The following NALF1 variants were observed in gnomAD, a reference collection of about 807,000 sequenced individuals.
NALF1 encodes the protein NALCN channel auxiliary factor 1.
NALF1 carries 3 observed loss-of-function variants against 48.4 expected under a neutral mutation model. The ratio of observed to expected loss-of-function variants is 0.06; its 90% CI spans 0.03 to 0.16. NALF1 has a LOEUF of 0.16. NALF1 is among the 10% of genes least tolerant of loss of function. The pLI is 1.00. For synonymous variants in NALF1, 262 were observed against 245.7 expected (o/e 1.07, Z -0.62); for missense variants, 526 against 571.5 (o/e 0.92, Z 0.81).
chr13:107,200,693 CAA>C (rs1879494283), intron 2 of NALF1, among the ~76,000 whole-genome samples: 1 of 152,170 alleles, frequency 6.6e-6, no homozygotes, highest in Non-Finnish European at 1.5e-5. Flanking sequence ...TAAACAATAA[CAA>C]GTCTGTAACC....
At chr13:107,340,099 T>C (rs1334750204) in intron 1 of NALF1, among the ~76,000 whole-genome samples, 2 of 152,102 alleles carry the variant, frequency 1.3e-5, no homozygotes, top group African/African-American at 4.8e-5. Context: ...GATTTATCTG[T>C]GTCTCATGCT....
intron 1 of NALF1, among the ~76,000 whole-genome samples, chr13:107,276,067 TG>T (rs1169409071): frequency 6.6e-6 from 1 of 152,132 alleles, no homozygotes; most frequent in African/African-American, 2.4e-5. Flanking sequence ...AAAGACCAAC[TG>T]GGAGCCACTA....
intron 1 of NALF1, among the ~76,000 whole-genome samples, chr13:107,443,981 T>TA (rs1025405387): frequency 5.4e-4 from 82 of 152,282 alleles, no homozygotes; most frequent in African/African-American, 1.9e-3. Context: ...GATTTTCTTT[T>TA]TAGTTTTGGT....
At chr13:107,854,396 A>C (rs1008071683) in intron 1 of NALF1, among the ~76,000 whole-genome samples, 4 of 152,218 alleles carry the variant, frequency 2.6e-5, no homozygotes, top group African/African-American at 9.6e-5. Context: ...CTGCCTGACA[A>C]CTTGTTGGCT....
Position 107,306,366 on chromosome 13 carries a change from C to T in NALF1, c.916-95611G>A, listed in dbSNP as rs559831561. On this transcript the variant is annotated intron_variant, in intron 1 of 2. Coordinates refer to ENST00000375915, the MANE Select transcript of NALF1 (RefSeq NM_001080396.3). ...AGGATTGTATAGCAACAGTCAAATC[C>T]CACCATCGGGTTCCACTGTAATTTT... 2.3e-4 allele frequency among the ~76,000 whole-genome samples: 35 copies of T among 152,238 alleles called. No homozygotes were observed. In the South Asian group the frequency reaches 6.9e-3, roughly 30 times the overall value.
chr13:107,236,792 C>T (rs1880359602), intron 1 of NALF1, among the ~76,000 whole-genome samples: 1 of 151,814 alleles, frequency 6.6e-6, no homozygotes, highest in South Asian at 2.1e-4. Flanking sequence ...TTCAAGCAAC[C>T]TCAAATAAAA....
chr13:107,201,050 G>A (rs1040883385), intron 2 of NALF1, among the ~76,000 whole-genome samples: 3 of 152,150 alleles, frequency 2.0e-5, no homozygotes, highest in Non-Finnish European at 2.9e-5. Flanking sequence ...AAGAGATGGC[G>A]ACTGAGAACT....
At chr13:107,502,078 G>A (rs543933909) in intron 1 of NALF1, among the ~76,000 whole-genome samples, 2 of 152,010 alleles carry the variant, frequency 1.3e-5, no homozygotes, top group Non-Finnish European at 2.9e-5. Flanking sequence ...GTTTCATTAA[G>A]GTCAAGAATA....
intron 1 of NALF1, among the ~76,000 whole-genome samples, chr13:107,787,234 T>C (rs4505175): frequency 0.19 from 29,089 of 152,138 alleles, 2,880 homozygotes; most frequent in Middle Eastern, 0.23. Flanking sequence ...ATTCTTATGT[T>C]GATGAGAAAT....
intron 1 of NALF1, among the ~76,000 whole-genome samples, chr13:107,394,876 G>T (rs1883685976): frequency 6.6e-6 from 1 of 152,088 alleles, no homozygotes. Context: ...GGAGGAAGGA[G>T]AACAAAACAG....
chr13:107,444,612 C>T (rs751315183), intron 1 of NALF1, among the ~76,000 whole-genome samples: 4 of 152,266 alleles, frequency 2.6e-5, no homozygotes, highest in Admixed American at 6.5e-5. Context: ...CTTGTTTTGA[C>T]GAGCTATAAT....
chr13:107,569,700 A>G (rs1282629221), intron 1 of NALF1, among the ~76,000 whole-genome samples: 1 of 152,158 alleles, frequency 6.6e-6, no homozygotes, highest in African/African-American at 2.4e-5. Context: ...CTTCCTTTTC[A>G]AAATTGTCTT....
chr13:107,706,194 T>C (rs537330836), intron 1 of NALF1, among the ~76,000 whole-genome samples: 1 of 152,310 alleles, frequency 6.6e-6, no homozygotes, highest in East Asian at 1.9e-4. Context: ...GAGTCAATCT[T>C]CGGTGGCAAT....
At chr13:107,827,040 A>G (rs1879541659) in intron 1 of NALF1, among the ~76,000 whole-genome samples, 1 of 152,196 alleles carries the variant, frequency 6.6e-6, no homozygotes, top group Non-Finnish European at 1.5e-5. Flanking sequence ...ATGTACATTC[A>G]TTTATTTACA....
At chr13:107,219,318 G>A (rs1879943644) in intron 1 of NALF1, among the ~76,000 whole-genome samples, 1 of 152,168 alleles carries the variant, frequency 6.6e-6, no homozygotes, top group South Asian at 2.1e-4. Flanking sequence ...TGTATGGACT[G>A]TCACAAAAGT....
chr13:107,494,406 A>C (rs948801716), intron 1 of NALF1, among the ~76,000 whole-genome samples: 1 of 152,196 alleles, frequency 6.6e-6, no homozygotes, highest in Non-Finnish European at 1.5e-5. Context: ...ACAGAATAAA[A>C]GGGCAAAACC....
chr13:107,360,090 A>T (rs80052399), intron 1 of NALF1, among the ~76,000 whole-genome samples: 3,306 of 152,280 alleles, frequency 0.022, 138 homozygotes, highest in African/African-American at 0.075. Context: ...AATATATGCC[A>T]ATAGAAATAA....
intron 1 of NALF1, among the ~76,000 whole-genome samples, chr13:107,861,766 G>T (rs1023602477): frequency 1.3e-5 from 2 of 152,232 alleles, no homozygotes; most frequent in Admixed American, 1.3e-4. Context: ...CTGGGCGACA[G>T]AGTGAGAACT....
At chr13:107,762,278 G>A (rs1877285025) in intron 1 of NALF1, among the ~76,000 whole-genome samples, 1 of 151,924 alleles carries the variant, frequency 6.6e-6, no homozygotes, top group East Asian at 1.9e-4. Context: ...TGTGATGGTT[G>A]GAAATAACAA....
Sources: gnomAD v4.1 joint callset for allele counts (sites outside exome capture counted in the v4.1 genomes callset) on GRCh38, gnomAD v4.1.1 for gene constraint, MANE v1.5 for transcripts, NCBI Gene and HGNC (gene_info 2026-07-23, HGNC 2026-07-21) for gene names.